The following SCMH1 variants were observed in gnomAD, a reference collection of about 807,000 sequenced individuals.
SCMH1 encodes the protein Scm polycomb group protein homolog 1.
SCMH1 carries 37 observed loss-of-function variants against 70.8 expected under a neutral mutation model. The observed-to-expected ratio is 0.52, with a 90% CI of 0.40 to 0.69. The LOEUF is 0.69. SCMH1 is among the 30% of genes least tolerant of loss of function. The pLI, the probability that SCMH1 is intolerant of heterozygous loss-of-function variation, is 0.00. For missense variants in SCMH1, 607 were observed against 827.3 expected, an observed-to-expected ratio of 0.73 and a Z score of 3.27; for synonymous variants, 292 against 307.4, an observed-to-expected ratio of 0.95 and a Z score of 0.52.
At chr1:41,240,033 G>A (rs1663195679) in intron 1 of SCMH1, among the ~76,000 whole-genome samples, 1 of 152,140 alleles carries the variant, frequency 6.6e-6, no homozygotes, top group Non-Finnish European at 1.5e-5. Flanking sequence ...AAGGAATCAG[G>A]GCCTTTCCTC....
intron 1 of SCMH1, among the ~76,000 whole-genome samples, chr1:41,208,798 C>T (rs1459036851): frequency 2.6e-5 from 4 of 152,106 alleles, no homozygotes; most frequent in Admixed American, 2.6e-4. Flanking sequence ...AATCAACATA[C>T]TAGCATCACA....
intron 2 of SCMH1, among the ~76,000 whole-genome samples, chr1:41,168,887 C>T (rs987054494): frequency 2.0e-5 from 3 of 152,044 alleles, no homozygotes; most frequent in South Asian, 4.2e-4. Flanking sequence ...CCCACAATAC[C>T]GTAGAGTAGG....
chr1:41,093,919 C>T (rs762621810), intron 8 of SCMH1, among the ~76,000 whole-genome samples: 3 of 152,184 alleles, frequency 2.0e-5, no homozygotes, highest in Non-Finnish European at 2.9e-5. Flanking sequence ...GACAGGCTCA[C>T]TTAGTTCATT....
At chr1:41,204,428 C>T (rs894812066) in intron 1 of SCMH1, among the ~76,000 whole-genome samples, 1 of 152,160 alleles carries the variant, frequency 6.6e-6, no homozygotes, top group Admixed American at 6.5e-5. Flanking sequence ...ATCCAAGTAC[C>T]TTATCCTGGC....
chr1:41,208,245 G>A (rs1298635673), intron 1 of SCMH1, among the ~76,000 whole-genome samples: 1 of 108,718 alleles, frequency 9.2e-6, no homozygotes, highest in African/African-American at 3.6e-5. Context: ...ATGGACACAG[G>A]AAGGGGAATA....
At chr1:41,027,937 AAT>A (rs1355687141) in exon 15 of SCMH1, 4 of 487,302 alleles carry the variant, frequency 8.2e-6, no homozygotes, top group Admixed American at 7.2e-5. Context: ...TTGAGAAATA[AAT>A]AGAGGGACCT....
At chr1:41,121,971 C>A (rs546830912) in intron 6 of SCMH1, among the ~76,000 whole-genome samples, 64 of 152,238 alleles carry the variant, frequency 4.2e-4, no homozygotes, top group Middle Eastern at 6.8e-3. Context: ...GCTAGATCGA[C>A]CCACATTTCA....
chr1:41,052,541 CA>C (rs1392698481), intron 10 of SCMH1, among the ~76,000 whole-genome samples: 2 of 152,150 alleles, frequency 1.3e-5, no homozygotes, highest in Admixed American at 6.5e-5. Context: ...ATGGTATTCA[CA>C]AAATGAGGAT....
chr1:41,050,866 T>C (rs145157075), intron 10 of SCMH1, among the ~76,000 whole-genome samples: 73 of 152,186 alleles, frequency 4.8e-4, no homozygotes, highest in Non-Finnish European at 7.9e-4. Context: ...GGGGATCTAA[T>C]AAAAGAAGGT....
At chr1:41,083,626 T>C (rs1262350827) in intron 8 of SCMH1, among the ~76,000 whole-genome samples, 1 of 152,152 alleles carries the variant, frequency 6.6e-6, no homozygotes, top group Non-Finnish European at 1.5e-5. Flanking sequence ...AAAAAACTAC[T>C]TTAAACTTCA....
chr1:41,226,635 T>C (rs1283369600), intron 1 of SCMH1, among the ~76,000 whole-genome samples: 2 of 152,114 alleles, frequency 1.3e-5, no homozygotes, highest in Non-Finnish European at 2.9e-5. Context: ...TATGTTACAT[T>C]ATTTACTGAA....
In SCMH1 at chr1:41,037,092, AAT is replaced by A. The variant is rs576822362; in HGVS notation, c.1678+268_1678+269del. Among the ~76,000 whole-genome samples, 148 of 152,302 alleles carry A rather than the reference AAT, an allele frequency of 9.7e-4. 1 individual carries two copies. The highest frequency in any genetic ancestry group is 1.2e-3 in the South Asian group (6 of 4,826). On this transcript the variant is annotated intron_variant, in intron 13 of 14. Coordinates refer to ENST00000337495, the Ensembl canonical transcript of SCMH1. ...GCCAAACACAAATGGAGTTCAAATA[AAT>A]AGTTAATGGATGAATGAGTGAATGA...
At chr1:41,079,020 CA>C (rs1659176604) in intron 8 of SCMH1, among the ~76,000 whole-genome samples, 1 of 152,096 alleles carries the variant, frequency 6.6e-6, no homozygotes, top group Admixed American at 6.5e-5. Context: ...AAGAATTTTG[CA>C]TTATTTGGGA....
At chr1:41,190,155 A>G (rs867335464) in intron 1 of SCMH1, among the ~76,000 whole-genome samples, 1 of 152,234 alleles carries the variant, frequency 6.6e-6, no homozygotes, top group African/African-American at 2.4e-5. Context: ...TCTAGGTCCT[A>G]TATTTTGAAT....
rs886461110 is a variant in SCMH1, at chr1:41,112,851, C to T, written c.745+432G>A. On this transcript the variant is annotated intron_variant, in intron 8 of 14. Transcript: ENST00000337495. ...AACCCATGTCTATCTTACTTCAAAG[C>T]TTGTTCTTTTTCCATCCTGCTACAG... Among the ~76,000 whole-genome samples, 4 of 152,176 alleles carry T rather than the reference C, an allele frequency of 2.6e-5. No homozygotes were observed. In the East Asian group the frequency reaches 7.7e-4, roughly 29 times the overall value.
intron 6 of SCMH1, among the ~76,000 whole-genome samples, chr1:41,138,547 C>T (rs2148174313): frequency 6.6e-6 from 1 of 151,512 alleles, no homozygotes. Context: ...CCTTAATGTC[C>T]CTTATTACAT....
At chr1:41,060,462 GA>G (rs766127875) in intron 10 of SCMH1, among the ~76,000 whole-genome samples, 8,567 of 124,734 alleles carry the variant, frequency 0.069, 278 homozygotes, top group Non-Finnish European at 0.085. Context: ...ATGTGAGGGA[GA>G]AAAAAAAAAA....
intron 6 of SCMH1, among the ~76,000 whole-genome samples, chr1:41,126,376 A>G (rs1373290234): frequency 6.6e-6 from 1 of 152,108 alleles, no homozygotes; most frequent in African/African-American, 2.4e-5. Flanking sequence ...TGCTTTGTTC[A>G]TCTTTTTTAG....
In SCMH1 at chr1:41,121,379, C is replaced by G. The variant is rs932925744; in HGVS notation, c.413-4369G>C. Among the ~76,000 whole-genome samples the G allele has an allele frequency of 2.0e-5, 3 of 152,176 alleles. No individual in the cohort carries two copies. In the East Asian group the frequency reaches 5.8e-4, roughly 29 times the overall value. On this transcript the variant is annotated intron_variant, in intron 6 of 14. Transcript: ENST00000337495. ...TCATAACTAATCATCACATTAATAT[C>G]GTCAAATATTTTATCACTCAGTCCT... is the stretch of plus-strand genomic sequence containing the variant.
Sources: gnomAD v4.1 joint callset for allele counts (sites outside exome capture counted in the v4.1 genomes callset) on GRCh38, gnomAD v4.1.1 for gene constraint, MANE v1.5 for transcripts, NCBI Gene and HGNC (gene_info 2026-07-23, HGNC 2026-07-21) for gene names.